Variants in SRGAP2B observed in about 807,000 individuals in gnomAD.
SRGAP2B encodes the protein SLIT-ROBO Rho GTPase activating protein 2B.
A neutral mutation model predicts 22.2 loss-of-function variants in SRGAP2B; 9 were observed. That is an observed-to-expected ratio of 0.41 (90% CI 0.24 to 0.71). The LOEUF is 0.71. Ranked by LOEUF, SRGAP2B falls within the 30% of genes least tolerant of loss-of-function variation. SRGAP2B has a pLI of 0.35. For missense variants in SRGAP2B, 114 were observed against 235.8 expected, an observed-to-expected ratio of 0.48 and a Z score of 3.38; for synonymous variants, 36 against 87.4, an observed-to-expected ratio of 0.41 and a Z score of 3.28.
rs587667286 is a variant in SRGAP2B, at chr1:144,944,399, T to C, written c.423+11040A>G. 3.7e-3 allele frequency among the ~76,000 whole-genome samples: 549 copies of C among 149,734 alleles called. 5 individuals carry two copies. Among genetic ancestry groups the C allele is most frequent in the Non-Finnish European group, 5.2e-3 (355 of 67,826 alleles). ...TCATTTGAGCCCCAGAGTTCAAGCC[T>C]AGCCTGGGCACCACAGCGAGACCCC... is the stretch of plus-strand genomic sequence containing the variant. On this transcript the variant is annotated intron_variant, in intron 4 of 9. Transcript: ENST00000612199.
intron 3 of SRGAP2B, among the ~76,000 whole-genome samples, chr1:144,978,961 C>T (rs1213972986): frequency 1.3e-5 from 2 of 151,090 alleles, no homozygotes; most frequent in Non-Finnish European, 2.9e-5. Flanking sequence ...GGTATGTGTG[C>T]TTGGGGACTA....
chr1:145,040,475 A>C (rs1233809739), intron 2 of SRGAP2B, among the ~76,000 whole-genome samples: 1 of 150,978 alleles, frequency 6.6e-6, no homozygotes, highest in African/African-American at 2.5e-5. Context: ...AACTCTTCCT[A>C]TAAAGGCCAG....
chr1:144,924,654 C>T (rs1438047534), intron 4 of SRGAP2B, among the ~76,000 whole-genome samples: 6 of 150,922 alleles, frequency 4.0e-5, no homozygotes, highest in Non-Finnish European at 8.8e-5. Flanking sequence ...ATGGCGTGAA[C>T]CCGGGAGGCG....
At chr1:144,948,906 C>CCT (rs1412160805) in intron 4 of SRGAP2B, among the ~76,000 whole-genome samples, 2 of 121,924 alleles carry the variant, frequency 1.6e-5, no homozygotes, top group African/African-American at 7.1e-5. Flanking sequence ...AGAATATGGA[C>CCT]CTCTTTTTTT....
intron 2 of SRGAP2B, among the ~76,000 whole-genome samples, chr1:145,070,113 A>G (rs1489096749): frequency 2.0e-5 from 3 of 148,068 alleles, no homozygotes; most frequent in African/African-American, 7.7e-5. Flanking sequence ...TTTGTACAGT[A>G]TTTTTACAAG....
rs1314499437 is a variant in SRGAP2B at position 144,952,576 on chromosome 1, T to C, written c.423+2863A>G. Among the ~76,000 whole-genome samples, 5 of 150,140 alleles carry C rather than the reference T, an allele frequency of 3.3e-5. 1 individual carries two copies. Among genetic ancestry groups the C allele is most frequent in the African/African-American group, 1.3e-4 (5 of 39,924 alleles). On this transcript the variant is annotated intron_variant, in intron 4 of 9. Transcript: ENST00000612199. ...GTGCAGTGGCATGATTACAGCTCAC[T>C]GCATCCTCAAACCATCAGGGTCTCT...
chr1:144,912,247 T>TAA (rs1663480706), intron 5 of SRGAP2B, among the ~76,000 whole-genome samples: 3 of 146,890 alleles, frequency 2.0e-5, no homozygotes, highest in African/African-American at 7.9e-5. Flanking sequence ...CCTGGCTCAC[T>TAA]GAACTTTCTA....
At chr1:144,977,707 A>AT (rs1228168756) in intron 3 of SRGAP2B, among the ~76,000 whole-genome samples, 1 of 145,810 alleles carries the variant, frequency 6.9e-6, no homozygotes, top group Non-Finnish European at 1.5e-5. Context: ...GGCAATCTGG[A>AT]TAAAATGGTA....
Position 144,931,607 on chromosome 1 carries a change from G to T in SRGAP2B, c.424-16853C>A, listed in dbSNP as rs1245938918. 9.3e-5 allele frequency among the ~76,000 whole-genome samples: 14 copies of T among 150,926 alleles called. 1 individual carries two copies. The highest frequency in any genetic ancestry group is 1.6e-4 in the Non-Finnish European group (11 of 67,980). On this transcript the variant is annotated intron_variant, in intron 4 of 9. Coordinates refer to ENST00000612199, the Ensembl canonical transcript of SRGAP2B. The stretch of plus-strand genomic sequence containing the variant: ...AGCTGCTAGAATATTCTGGTTAAAG[G>T]AAAGAAATCTAAAACTCAATCAGCT...
At chr1:144,928,412 T>G (rs1466303583) in intron 4 of SRGAP2B, among the ~76,000 whole-genome samples, 14 of 119,550 alleles carry the variant, frequency 1.2e-4, no homozygotes, top group Non-Finnish European at 1.9e-4. Context: ...TGGTTATTTA[T>G]TTATTTATTT....
chr1:144,964,601 T>C (rs1667920900), intron 3 of SRGAP2B, among the ~76,000 whole-genome samples: 1 of 151,060 alleles, frequency 6.6e-6, no homozygotes, highest in Non-Finnish European at 1.5e-5. Flanking sequence ...TTAAGGAATC[T>C]GGATGAACAA....
At chr1:145,068,224 A>AAAAC in intron 2 of SRGAP2B, among the ~76,000 whole-genome samples, 2 of 144,820 alleles carry the variant, frequency 1.4e-5, no homozygotes, top group South Asian at 2.2e-4. Context: ...AAAAAAAAAA[A>AAAAC]AAACAAATAC....
intron 4 of SRGAP2B, among the ~76,000 whole-genome samples, chr1:144,941,446 G>A (rs1184521014): frequency 1.4e-5 from 2 of 144,604 alleles, no homozygotes; most frequent in Admixed American, 1.4e-4. Context: ...TTGAGTAAAT[G>A]CTGGGAGAAG....
intron 6 of SRGAP2B, among the ~76,000 whole-genome samples, chr1:144,905,529 A>G (rs1230610936): frequency 6.7e-6 from 1 of 148,612 alleles, no homozygotes; most frequent in Admixed American, 6.7e-5. Flanking sequence ...AACACCTGAT[A>G]CCTGAAACCA....
intron 3 of SRGAP2B, among the ~76,000 whole-genome samples, chr1:144,956,954 C>T (rs2101942218): frequency 6.7e-6 from 1 of 150,350 alleles, no homozygotes; most frequent in South Asian, 2.1e-4. Context: ...TTGACTTAAA[C>T]CCCACAACTA....
intron 5 of SRGAP2B, among the ~76,000 whole-genome samples, chr1:144,909,151 C>T (rs1293146602): frequency 4.0e-5 from 6 of 150,378 alleles, no homozygotes; most frequent in African/African-American, 7.5e-5. Context: ...AGCGGGTAGG[C>T]AAGCAGTAAC....
intron 2 of SRGAP2B, among the ~76,000 whole-genome samples, chr1:145,084,187 C>T (rs1463816670): frequency 7.4e-6 from 1 of 135,880 alleles, no homozygotes; most frequent in Non-Finnish European, 1.6e-5. Flanking sequence ...CATTCTCCTG[C>T]CTCAGCCTCC....
intron 4 of SRGAP2B, among the ~76,000 whole-genome samples, chr1:144,940,399 T>C (rs587774623): frequency 1.4e-5 from 2 of 147,598 alleles, no homozygotes; most frequent in South Asian, 2.1e-4. Context: ...TATTTCCAAA[T>C]GAAAGCCTTG....
At chr1:145,075,711 CAG>C (rs1652430806) in intron 2 of SRGAP2B, among the ~76,000 whole-genome samples, 1 of 139,324 alleles carries the variant, frequency 7.2e-6, no homozygotes, top group South Asian at 2.3e-4. Flanking sequence ...AATGAGTAAA[CAG>C]AATATAAAAG....
Sources: gnomAD v4.1 joint callset for allele counts (sites outside exome capture counted in the v4.1 genomes callset) on GRCh38, gnomAD v4.1.1 for gene constraint, MANE v1.5 for transcripts, NCBI Gene and HGNC (gene_info 2026-07-23, HGNC 2026-07-21) for gene names.